SGSM1: variants seen among roughly 807,000 people sequenced by gnomAD.
The protein encoded by SGSM1 is RUN and TBC1 domain containing 2.
SGSM1 carries 73 observed loss-of-function variants against 133.8 expected under a neutral mutation model. The ratio of observed to expected loss-of-function variants is 0.55; its 90% CI spans 0.45 to 0.66. SGSM1 has a LOEUF of 0.66. SGSM1 is among the 30% of genes least tolerant of loss of function. The pLI, the probability that SGSM1 is intolerant of heterozygous loss-of-function variation, is 0.00. For synonymous variants in SGSM1, 563 were observed against 573.0 expected (o/e 0.98, Z 0.25); for missense variants, 1,213 against 1,448.1 (o/e 0.84, Z 2.64).
intron 16 of SGSM1, among the ~76,000 whole-genome samples, chr22:24,887,107 T>TTGTGTGTGTGTG (rs60431385): frequency 0.22 from 31,952 of 144,998 alleles, 4,119 homozygotes; most frequent in Middle Eastern, 0.35. Context: ...TTGTACTTAT[T>TTGTGTGTGTGTG]TGTGTGTGTG....
intron 22 of SGSM1, among the ~76,000 whole-genome samples, chr22:24,915,605 G>A (rs955218509): frequency 2.0e-5 from 3 of 152,136 alleles, no homozygotes; most frequent in Admixed American, 2.0e-4. Flanking sequence ...TACATGAGTT[G>A]TTTTGAGACA....
intron 5 of SGSM1, 27 bp from the exon 6 acceptor site, chr22:24,854,969 A>T: frequency 6.3e-7 from 1 of 1,599,820 alleles, no homozygotes; most frequent in Non-Finnish European, 8.6e-7. Flanking sequence ...TCTCCATCCA[A>T]ACCTGCATAT....
At chr22:24,823,730 G>C (rs2330928) in intron 2 of SGSM1, among the ~76,000 whole-genome samples, 97,732 of 151,862 alleles carry the variant, frequency 0.64, 31,886 homozygotes, top group East Asian at 0.92. Context: ...GCCAGGAGTT[G>C]AAGACCAGCC....
chr22:24,898,519 A>G lies in SGSM1; in HGVS notation c.2570A>G (p.Asn857Ser), dbSNP rs1487305779. The G allele has an allele frequency of 2.5e-6, 4 of 1,613,138 alleles. No homozygotes were observed. Among genetic ancestry groups the G allele is most frequent in the African/African-American group, 2.7e-5 (2 of 74,908 alleles). The change falls in exon 19 of 25, where the codon AAC becomes AGC. Residue 857 changes from asparagine (N) to serine (S), a missense_variant. Asn to Ser is a conservative substitution (Grantham distance 46). Transcript: ENST00000400358. ...LASLAVTTSA[N>S]EVSPVSSSGV... is the part of the protein sequence containing the mutation. The stretch of plus-strand genomic sequence containing the variant: ...TCTCTGGCTGTGACTACTTCTGCCA[A>G]CGAGGTGTCCCCTGTGTCTTCCAGC...
intron 19 of SGSM1, among the ~76,000 whole-genome samples, chr22:24,900,643 C>T (rs910045440): frequency 2.6e-5 from 4 of 152,056 alleles, no homozygotes; most frequent in East Asian, 1.9e-4. Context: ...GTGATCCGCC[C>T]GCCTCGGCCT....
chr22:24,883,306 A>G (rs1601952303), intron 14 of SGSM1, among the ~76,000 whole-genome samples: 1 of 152,232 alleles, frequency 6.6e-6, no homozygotes, highest in East Asian at 1.9e-4. Flanking sequence ...GTGCAGATAT[A>G]TCTTTGTTTC....
intron 2 of SGSM1, among the ~76,000 whole-genome samples, chr22:24,815,522 C>G (rs1223790244): frequency 6.6e-6 from 1 of 152,122 alleles, no homozygotes; most frequent in Non-Finnish European, 1.5e-5. Flanking sequence ...GCAGGCGGAT[C>G]ACGAGTTCAG....
chr22:24,862,711 C>T (rs1931222261), intron 9 of SGSM1, among the ~76,000 whole-genome samples: 1 of 152,188 alleles, frequency 6.6e-6, no homozygotes, highest in Admixed American at 6.5e-5. Context: ...TCAGAGCTTA[C>T]ATTCTACTGG....
rs1242117764 is a variant in SGSM1 at position 24,912,640 on chromosome 22, C to T, written c.2819-3C>T. ...ATCTGACTGTTCTGTGATGCTTTCT[C>T]AGAGGCCCTTGCCTTCAGCTGCTTC... On this transcript the variant is annotated splice_region_variant and splice_polypyrimidine_tract_variant and intron_variant, in intron 21 of 24. Coordinates refer to ENST00000400358, the MANE Select transcript of SGSM1 (RefSeq NM_001098497.3). 1 of 1,607,686 alleles carries T rather than the reference C, an allele frequency of 6.2e-7. No individual in the cohort carries two copies. The highest frequency in any genetic ancestry group is 8.5e-7 in the Non-Finnish European group (1 of 1,175,932).
chr22:24,817,442 T>C (rs1928164472), intron 2 of SGSM1, among the ~76,000 whole-genome samples: 1 of 151,764 alleles, frequency 6.6e-6, no homozygotes, highest in Non-Finnish European at 1.5e-5. Context: ...AACCTCCGCC[T>C]CCTGGGTTCA....
At chr22:24,823,518 G>A (rs1293602955) in intron 2 of SGSM1, among the ~76,000 whole-genome samples, 2 of 151,964 alleles carry the variant, frequency 1.3e-5, no homozygotes, top group South Asian at 2.1e-4. Context: ...GGAGAATGAC[G>A]GGAACCTGGG....
chr22:24,822,088 C>CTCTCTTTTTTTTTTTTTTTTTTT (rs1555920070), intron 2 of SGSM1, among the ~76,000 whole-genome samples: 2 of 96,128 alleles, frequency 2.1e-5, no homozygotes, highest in East Asian at 3.9e-4. Flanking sequence ...TCATCTCTCT[C>CTCTCTTTTTTTTTTTTTTTTTTT]TTTTTTTTTT....
In SGSM1 at chr22:24,868,455, C is replaced by G; in HGVS notation, c.1074C>G (p.His358Gln). 6.2e-7 allele frequency: 1 copy of G among 1,613,940 alleles called. No individual in the cohort carries two copies. The highest frequency in any genetic ancestry group is 8.5e-7 in the Non-Finnish European group (1 of 1,179,892). ...RPPFRFPKGG[H>Q]LLQFLSCLEN... ...CCTTCCGCTTCCCCAAGGGCGGGCA[C>G]CTCCTGCAGTTCCTCTCGTGCCTGG... Residue 358 changes from histidine (H) to glutamine (Q), a missense_variant, in exon 11 of 25, where the codon CAC (histidine) becomes CAG (glutamine). Transcript: ENST00000400358.
intron 9 of SGSM1, among the ~76,000 whole-genome samples, chr22:24,860,086 C>T (rs181175224): frequency 1.4e-4 from 21 of 152,276 alleles, no homozygotes; most frequent in Admixed American, 6.5e-5. Context: ...ATGCCCTGGA[C>T]AAAACCATCC....
At position 24,924,341 on chromosome 22, in the gene SGSM1, C is replaced by T; in HGVS notation, c.*67C>T. ...CCCGCTCCTCTGCTTACTTTTCCTC[C>T]TGGCTGGATGGGCACCCCGGGAGCG... On this transcript the variant is annotated 3_prime_UTR_variant, in exon 25 of 25. Transcript: ENST00000400358. 1 of 1,462,942 alleles carries T rather than the reference C, an allele frequency of 6.8e-7. No homozygotes were observed. The highest frequency in any genetic ancestry group is 1.1e-5 in the South Asian group (1 of 86,974). 90.6% of individuals were successfully genotyped at this position (1,462,942 alleles called of 1,614,324 possible).
rs138814001 is a variant in SGSM1 at position 24,911,925 on chromosome 22, G to A, written c.2819-718G>A. Among the ~76,000 whole-genome samples, 1,401 of 152,072 alleles carry A rather than the reference G, an allele frequency of 9.2e-3. 13 individuals carry two copies. Among genetic ancestry groups the A allele is most frequent in the Middle Eastern group, 0.024 (7 of 294 alleles). Reference sequence around the variant, plus strand: ...AAAAAATTAGTTGGGCTTGGTGGCGGGCGCCTGTAGTCCCAGCTACTTGGG... The same window carrying A: ...AAAAAATTAGTTGGGCTTGGTGGCGAGCGCCTGTAGTCCCAGCTACTTGGG... On this transcript the variant is annotated intron_variant, in intron 21 of 24. Coordinates refer to ENST00000400358, the MANE Select transcript of SGSM1 (RefSeq NM_001098497.3).
Position 24,806,269 on chromosome 22 carries a change from C to T in SGSM1, c.-57C>T. On this transcript the variant is annotated 5_prime_UTR_variant, in exon 1 of 25. Coordinates refer to ENST00000400358, the MANE Select transcript of SGSM1 (RefSeq NM_001098497.3). Reference sequence around the variant, plus strand: ...AGCAGCAGCGCCGCGGCCGGAGGAGCTACCGCCGCCACCGCCGCCACCGCC... The same window carrying T: ...AGCAGCAGCGCCGCGGCCGGAGGAGTTACCGCCGCCACCGCCGCCACCGCC... 1 of 1,397,066 alleles carries T rather than the reference C, an allele frequency of 7.2e-7. No individual in the cohort carries two copies. The highest frequency in any genetic ancestry group is 1.6e-5 in the South Asian group (1 of 62,198). 86.5% of individuals were successfully genotyped at this position (1,397,066 alleles called of 1,614,324 possible). A position where few individuals can be genotyped will look rare whatever the true frequency, so the allele number is the denominator to read the frequency against.
At chr22:24,878,054 G>A (rs7290577) in intron 13 of SGSM1, among the ~76,000 whole-genome samples, 2,147 of 151,908 alleles carry the variant, frequency 0.014, 29 homozygotes, top group African/African-American at 0.049. Flanking sequence ...CAAGTGATCC[G>A]CCCACCTTGG....
At chr22:24,890,453 A>G (rs1932795763) in intron 16 of SGSM1, among the ~76,000 whole-genome samples, 1 of 152,208 alleles carries the variant, frequency 6.6e-6, no homozygotes, top group South Asian at 2.1e-4. Context: ...TCAAAACCAG[A>G]GTGTTAACAC....
Sources: gnomAD v4.1 joint callset for allele counts (sites outside exome capture counted in the v4.1 genomes callset) on GRCh38, gnomAD v4.1.1 for gene constraint, MANE v1.5 for transcripts, NCBI Gene and HGNC (gene_info 2026-07-23, HGNC 2026-07-21) for gene names.